PTPRD: variants seen among roughly 807,000 people sequenced by gnomAD.
PTPRD encodes the protein receptor-type tyrosine-protein phosphatase delta.
PTPRD carries 34 observed loss-of-function variants against 214.5 expected under a neutral mutation model. The ratio of observed to expected loss-of-function variants is 0.16; its 90% CI spans 0.12 to 0.21. The LOEUF is 0.21. PTPRD is among the 10% of genes least tolerant of loss of function. The probability of loss-of-function intolerance (pLI) is 1.00; values close to 1 mark genes in which losing one functional copy is unlikely to be tolerated. For missense variants in PTPRD, 2,545 were observed against 2,398.7 expected, an observed-to-expected ratio of 1.06 and a Z score of -1.27; for synonymous variants, 1,128 against 845.7, an observed-to-expected ratio of 1.33 and a Z score of -5.79.
intron 5 of PTPRD, among the ~76,000 whole-genome samples, chr9:9,907,508 AT>A (rs1465756837): frequency 6.6e-6 from 1 of 151,938 alleles, no homozygotes; most frequent in African/African-American, 2.4e-5. Context: ...CATTTACTCA[AT>A]GTACACATAT....
chr9:9,211,359 T>C (rs1001377058), intron 9 of PTPRD, among the ~76,000 whole-genome samples: 1 of 152,216 alleles, frequency 6.6e-6, no homozygotes, highest in Non-Finnish European at 1.5e-5. Flanking sequence ...TCTTGTGTCC[T>C]AAGTTTCTCA....
intron 9 of PTPRD, among the ~76,000 whole-genome samples, chr9:9,319,324 G>A (rs935648343): frequency 1.3e-5 from 2 of 152,150 alleles, no homozygotes; most frequent in African/African-American, 2.4e-5. Context: ...AATCAAGTGA[G>A]GGGTTGAATG....
chr9:10,194,941 A>ATTTT (rs113659073), intron 3 of PTPRD, among the ~76,000 whole-genome samples: 1 of 137,058 alleles, frequency 7.3e-6, no homozygotes. Flanking sequence ...TTTTCATTTA[A>ATTTT]TTTTTTTTTT....
chr9:10,446,769 T>C (rs1363087762), intron 2 of PTPRD, among the ~76,000 whole-genome samples: 1 of 152,136 alleles, frequency 6.6e-6, no homozygotes, highest in Admixed American at 6.5e-5. Flanking sequence ...ACAAATTGTT[T>C]CAATATTACG....
At chr9:9,212,082 C>A (rs1393236421) in intron 9 of PTPRD, among the ~76,000 whole-genome samples, 1 of 152,036 alleles carries the variant, frequency 6.6e-6, no homozygotes, top group African/African-American at 2.4e-5. Context: ...TGCCTGGAAA[C>A]AGAATAATTA....
In PTPRD at chr9:9,564,884, G is replaced by GTTTTTTTTTTTTTTTTT. The variant is rs1191664969; in HGVS notation, c.-237+9831_-237+9847dup. Among the ~76,000 whole-genome samples the GTTTTTTTTTTTTTTTTT allele has an allele frequency of 1.2e-4, 6 of 48,856 alleles. 2 individuals carry two copies. Among genetic ancestry groups the GTTTTTTTTTTTTTTTTT allele is most frequent in the Non-Finnish European group, 1.9e-4 (5 of 26,462 alleles). The allele number at this position is 48,856 out of a possible 152,430, so 32.1% of individuals were successfully genotyped here. ...AACAAAAGAGAGACTTGAATCTTCT[G>GTTTTTTTTTTTTTTTTT]TTTTTTTTTTTTTTTTTTTTTTTTT... On this transcript the variant is annotated intron_variant, in intron 8 of 45. Coordinates refer to ENST00000381196, the MANE Select transcript of PTPRD (RefSeq NM_002839.4).
chr9:8,328,697 T>C (rs147378519), intron 44 of PTPRD, among the ~76,000 whole-genome samples: 223 of 152,126 alleles, frequency 1.5e-3, no homozygotes, highest in Middle Eastern at 6.8e-3. Flanking sequence ...TTTCATATAG[T>C]CCCATATTTC....
intron 12 of PTPRD, chr9:8,713,689 A>C (rs570072190): frequency 1.1e-5 from 16 of 1,511,906 alleles, no homozygotes; most frequent in Non-Finnish European, 1.5e-5. Flanking sequence ...CATTCAGATC[A>C]TGATGGTGGA....
intron 2 of PTPRD, among the ~76,000 whole-genome samples, chr9:10,402,898 C>T (rs1224215837): frequency 5.9e-5 from 9 of 151,526 alleles, no homozygotes; most frequent in Non-Finnish European, 8.9e-5. Flanking sequence ...ACATTTATTA[C>T]ATTTCTACCT....
chr9:8,420,619 T>C (rs540370367), intron 35 of PTPRD, among the ~76,000 whole-genome samples: 1 of 152,228 alleles, frequency 6.6e-6, no homozygotes, highest in African/African-American at 2.4e-5. Context: ...CAAGAGCAGA[T>C]GAAGACTTAA....
intron 2 of PTPRD, among the ~76,000 whole-genome samples, chr9:10,552,553 C>T (rs2061571194): frequency 6.6e-6 from 1 of 152,098 alleles, no homozygotes; most frequent in South Asian, 2.1e-4. Context: ...CTCCAGCCAT[C>T]TTAGAATCCC....
chr9:9,586,019 T>G (rs185515248), intron 7 of PTPRD, among the ~76,000 whole-genome samples: 41 of 152,100 alleles, frequency 2.7e-4, no homozygotes, highest in East Asian at 2.5e-3. Flanking sequence ...ATTAAGGAAG[T>G]TGGTAGTCAG....
At chr9:9,311,729 G>C (rs79665017) in intron 9 of PTPRD, among the ~76,000 whole-genome samples, 2 of 152,100 alleles carry the variant, frequency 1.3e-5, no homozygotes, top group East Asian at 1.9e-4. Context: ...TTTAAGGCTT[G>C]TAGCTCTACC....
chr9:9,162,583 A>G (rs1291148303), intron 10 of PTPRD, among the ~76,000 whole-genome samples: 1 of 152,058 alleles, frequency 6.6e-6, no homozygotes, highest in African/African-American at 2.4e-5. Flanking sequence ...GAAATACTGT[A>G]AATTCTCCAC....
At chr9:8,458,664 G>A (rs1591074290) in intron 33 of PTPRD, among the ~76,000 whole-genome samples, 1 of 152,190 alleles carries the variant, frequency 6.6e-6, no homozygotes, top group East Asian at 1.9e-4. Context: ...CTCAAACAGG[G>A]TCTATGATTA....
intron 2 of PTPRD, among the ~76,000 whole-genome samples, chr9:10,508,506 T>C (rs833424): frequency 0.21 from 32,423 of 152,118 alleles, 4,146 homozygotes; most frequent in Admixed American, 0.35. Context: ...CGTATGTTTA[T>C]TGTGGCACTA....
intron 14 of PTPRD, among the ~76,000 whole-genome samples, chr9:8,629,214 A>T (rs2154313246): frequency 6.6e-6 from 1 of 151,924 alleles, no homozygotes; most frequent in Non-Finnish European, 1.5e-5. Context: ...TAGAGAAGGG[A>T]GGTTATGTAA....
At position 8,513,438 on chromosome 9, in the gene PTPRD, G is replaced by A. The variant is rs142435874; in HGVS notation, c.1543+4410C>T. On this transcript the variant is annotated intron_variant, in intron 21 of 45. Coordinates refer to ENST00000381196, the MANE Select transcript of PTPRD (RefSeq NM_002839.4). The stretch of plus-strand genomic sequence containing the variant: ...CCTAAATACTGTTCTTTTGGAATCC[G>A]GTTTCAAACAAAAACAGGAATGTGA... 1.9e-3 allele frequency among the ~76,000 whole-genome samples: 294 copies of A among 151,990 alleles called. 1 individual carries two copies. The highest frequency in any genetic ancestry group is 6.7e-3 in the African/African-American group (280 of 41,502).
At chr9:9,913,946 T>C (rs973440219) in intron 5 of PTPRD, among the ~76,000 whole-genome samples, 5 of 152,128 alleles carry the variant, frequency 3.3e-5, no homozygotes, top group Non-Finnish European at 5.9e-5. Flanking sequence ...CCATCTTCAT[T>C]ATGACAAGCC....
Sources: allele counts gnomAD v4.1 joint callset (sites outside exome capture counted in the v4.1 genomes callset), GRCh38; gene constraint gnomAD v4.1.1; transcripts MANE v1.5; gene names NCBI Gene and HGNC (gene_info 2026-07-23, HGNC 2026-07-21).